Variants in ADAM12 observed in about 807,000 individuals in gnomAD.
ADAM12 encodes the protein ADAM metallopeptidase domain 12, also known as disintegrin and metalloproteinase domain-containing protein 12.
Under a neutral mutation model 106.4 loss-of-function variants are expected in ADAM12, and 70 were observed. The ratio of observed to expected loss-of-function variants is 0.66; its 90% CI spans 0.54 to 0.80. The LOEUF is 0.80. Ranked by LOEUF, ADAM12 falls within the 30% of genes least tolerant of loss-of-function variation. ADAM12 has a pLI of 0.00. For missense variants in ADAM12, 1,010 were observed against 1,171.9 expected, an observed-to-expected ratio of 0.86 and a Z score of 2.02; for synonymous variants, 420 against 433.5, an observed-to-expected ratio of 0.97 and a Z score of 0.39.
intron 4 of ADAM12, among the ~76,000 whole-genome samples, chr10:126,141,287 T>C (rs1174715023): frequency 1.3e-5 from 2 of 152,184 alleles, no homozygotes; most frequent in Middle Eastern, 3.2e-3. Flanking sequence ...CGCTAAACTG[T>C]ATAGCCTCTT....
At chr10:126,156,818 G>A (rs1956825440) in intron 3 of ADAM12, among the ~76,000 whole-genome samples, 1 of 152,206 alleles carries the variant, frequency 6.6e-6, no homozygotes, top group African/African-American at 2.4e-5. Context: ...TCAAGGTCAG[G>A]GCCTGAAAGG....
intron 11 of ADAM12, among the ~76,000 whole-genome samples, chr10:126,084,805 C>T (rs1318521448): frequency 6.6e-6 from 1 of 152,152 alleles, no homozygotes; most frequent in African/African-American, 2.4e-5. Flanking sequence ...TCACAGGTAC[C>T]CAGTGAAAGG....
At position 126,320,071 on chromosome 10, in the gene ADAM12, G is replaced by T. The variant is rs182067941; in HGVS notation, c.186+10341C>A. Reference sequence around the variant, plus strand: ...GACGAAAACCTTCGCTATTACAAAGGTTTTTACCCTCCAAAGTTTAGCTTA... The same window carrying T: ...GACGAAAACCTTCGCTATTACAAAGTTTTTTACCCTCCAAAGTTTAGCTTA... On this transcript the variant is annotated intron_variant, in intron 2 of 22. Transcript: ENST00000448723. Among the ~76,000 whole-genome samples the T allele has an allele frequency of 2.2e-3, 330 of 152,266 alleles. 1 individual carries two copies. The highest frequency in any genetic ancestry group is 7.7e-3 in the African/African-American group (321 of 41,554).
At chr10:126,209,147 CA>C (rs977808966) in intron 3 of ADAM12, among the ~76,000 whole-genome samples, 10 of 152,184 alleles carry the variant, frequency 6.6e-5, no homozygotes, top group African/African-American at 2.2e-4. Context: ...AAAATCCTAT[CA>C]ACATAGGAGG....
intron 21 of ADAM12, among the ~76,000 whole-genome samples, chr10:126,035,496 TTA>T (rs1201262139): frequency 1.4e-4 from 21 of 152,166 alleles, no homozygotes; most frequent in Admixed American, 1.2e-3. Context: ...TACAAATAAA[TTA>T]TGTTAAAATA....
intron 2 of ADAM12, among the ~76,000 whole-genome samples, chr10:126,295,185 T>A (rs898212751): frequency 6.6e-6 from 1 of 152,034 alleles, no homozygotes; most frequent in Non-Finnish European, 1.5e-5. Context: ...AAAAATAGAA[T>A]CACATAGATC....
At chr10:126,039,182 C>G in intron 19 of ADAM12, 112 bp downstream of exon 19, 3 of 1,312,650 alleles carry the variant, frequency 2.3e-6, no homozygotes, top group Non-Finnish European at 3.2e-6. Flanking sequence ...CTCCTGACCT[C>G]GTGATCCGCC....
intron 3 of ADAM12, among the ~76,000 whole-genome samples, chr10:126,194,349 C>T (rs1012683473): frequency 6.7e-6 from 1 of 148,260 alleles, no homozygotes; most frequent in African/African-American, 2.5e-5. Flanking sequence ...AGAGAAGAAT[C>T]CTTTAAGCTT....
intron 11 of ADAM12, among the ~76,000 whole-genome samples, chr10:126,072,156 C>A (rs1175765363): frequency 2.0e-5 from 3 of 152,094 alleles, no homozygotes; most frequent in Non-Finnish European, 4.4e-5. Flanking sequence ...GCATTCAGGT[C>A]TATAAAGGCC....
At chr10:126,033,533 A>G (rs1470224491) in intron 21 of ADAM12, among the ~76,000 whole-genome samples, 1 of 152,120 alleles carries the variant, frequency 6.6e-6, no homozygotes, top group Non-Finnish European at 1.5e-5. Context: ...TAGGCCCACA[A>G]CTGGAAAAGC....
chr10:126,072,636 G>A (rs1289824990), intron 11 of ADAM12, among the ~76,000 whole-genome samples: 1 of 152,128 alleles, frequency 6.6e-6, no homozygotes, highest in African/African-American at 2.4e-5. Flanking sequence ...TTCTAATATG[G>A]TAACCCACTG....
At chr10:126,157,131 G>C (rs7072303) in intron 3 of ADAM12, among the ~76,000 whole-genome samples, 2,639 of 152,282 alleles carry the variant, frequency 0.017, 79 homozygotes, top group African/African-American at 0.059. Context: ...GGGATGTCTG[G>C]GGATGACGTC....
chr10:126,081,540 C>T (rs1298550015), intron 11 of ADAM12, among the ~76,000 whole-genome samples: 1 of 152,220 alleles, frequency 6.6e-6, no homozygotes, highest in Non-Finnish European at 1.5e-5. Flanking sequence ...TTTCTCCTGA[C>T]AGCAGATGCC....
chr10:126,181,764 T>C (rs1957316354), intron 3 of ADAM12, among the ~76,000 whole-genome samples: 1 of 152,342 alleles, frequency 6.6e-6, no homozygotes, highest in Middle Eastern at 3.4e-3. Context: ...TCACTGGCAT[T>C]ACACCACTTC....
chr10:126,033,176 C>G (rs1208073334), intron 21 of ADAM12, among the ~76,000 whole-genome samples: 1 of 152,134 alleles, frequency 6.6e-6, no homozygotes, highest in Non-Finnish European at 1.5e-5. Context: ...ACTCCTCATT[C>G]AGTAATGTCA....
At chr10:126,248,685 GTATTTATTTATTTATTTATT>G (rs141233066) in intron 3 of ADAM12, among the ~76,000 whole-genome samples, 11 of 67,062 alleles carry the variant, frequency 1.6e-4, no homozygotes, top group South Asian at 5.8e-4. Flanking sequence ...ATGTATGTAT[GTATTTATTTATTTATTTATT>G]TATTTATTTA....
intron 4 of ADAM12, among the ~76,000 whole-genome samples, chr10:126,154,442 G>A (rs1196926408): frequency 6.6e-6 from 1 of 152,174 alleles, no homozygotes; most frequent in Non-Finnish European, 1.5e-5. Flanking sequence ...GAAAAGTGTT[G>A]GTGTCATGCA....
At position 126,111,403 on chromosome 10, in the gene ADAM12, G is replaced by A. The variant is rs554005177; in HGVS notation, c.604-1563C>T. The stretch of plus-strand genomic sequence containing the variant: ...CACCTTCTGAAAGTGTGAAGATCTT[G>A]CCCTTTTTCCTCATTGAGGCGTGAA... On this transcript the variant is annotated intron_variant, in intron 6 of 22. Transcript: ENST00000448723. Among the ~76,000 whole-genome samples, 17 of 152,248 alleles carry A rather than the reference G, an allele frequency of 1.1e-4. No individual in the cohort carries two copies. In the South Asian group the frequency reaches 3.5e-3, roughly 32 times the overall value.
chr10:126,023,345 A>G (rs1215936070), intron 21 of ADAM12, among the ~76,000 whole-genome samples: 1 of 152,096 alleles, frequency 6.6e-6, no homozygotes, highest in Non-Finnish European at 1.5e-5. Flanking sequence ...TTCTCTGATG[A>G]CCACCAAGAG....
Sources: gnomAD v4.1 joint callset for allele counts (sites outside exome capture counted in the v4.1 genomes callset) on GRCh38, gnomAD v4.1.1 for gene constraint, MANE v1.5 for transcripts, NCBI Gene and HGNC (gene_info 2026-07-23, HGNC 2026-07-21) for gene names.